KIAA1671: variants seen among roughly 807,000 people sequenced by gnomAD.
KIAA1671 encodes the protein uncharacterized protein KIAA1671.
In KIAA1671, 52 loss-of-function variants were observed where a neutral mutation model predicts 131.2. The observed-to-expected ratio is 0.40, with a 90% confidence interval of 0.32 to 0.50. The LOEUF is 0.50. Ranked by LOEUF, KIAA1671 falls within the 20% of genes least tolerant of loss-of-function variation. KIAA1671 has a pLI of 0.73. For missense variants in KIAA1671, 2,360 were observed against 2,364.2 expected, an observed-to-expected ratio of 1.00 and a Z score of 0.04; for synonymous variants, 1,003 against 961.6, an observed-to-expected ratio of 1.04 and a Z score of -0.80.
intron 1 of KIAA1671, among the ~76,000 whole-genome samples, chr22:25,005,862 G>A (rs945054791): frequency 6.6e-6 from 1 of 152,090 alleles, no homozygotes. Context: ...TCCTACCCAG[G>A]TGACTTCCTC....
intron 6 of KIAA1671, among the ~76,000 whole-genome samples, chr22:25,123,553 C>G (rs1932045406): frequency 6.6e-6 from 1 of 152,178 alleles, no homozygotes; most frequent in Admixed American, 6.5e-5. Context: ...TTGGAGCTTT[C>G]ACTCTGGGGA....
Position 25,181,761 on chromosome 22 carries a change from AC to A in KIAA1671, c.5141del (p.Pro1714LeufsTer19). 6.4e-7 allele frequency: 1 copy of A among 1,551,268 alleles called. No homozygotes were observed. Among genetic ancestry groups the A allele is most frequent in the Non-Finnish European group, 8.7e-7 (1 of 1,146,860 alleles). On this transcript the variant is annotated frameshift_variant, in exon 10 of 13. Transcript: ENST00000358431. LOFTEE classifies it high-confidence loss of function. The stretch of plus-strand genomic sequence containing the variant: ...GGAGACGGCATCCAAAGCTGAGAGG[AC>A]CCCTGTCAGCCATCCTCAGAGGATG... Reference protein sequence around the residue: ...EEETASKAERTPVSHPQRMPA... With the variant: ...EEETASKAERXPVSHPQRMPA...
At position 25,192,493 on chromosome 22, in the gene KIAA1671, C is replaced by T. The variant is rs1934699963; in HGVS notation, c.*92C>T. The T allele has an allele frequency of 1.3e-5, 2 of 152,244 alleles. No homozygotes were observed. Among genetic ancestry groups the T allele is most frequent in the African/African-American group, 4.8e-5 (2 of 41,448 alleles). 9.4% of individuals were successfully genotyped at this position (152,244 alleles called of 1,614,324 possible). ...CGAGCTGCTGCCGTTTCTTCCTGCA[C>T]AACGCTTACGTGCCTGGGCCCTTCC... On this transcript the variant is annotated 3_prime_UTR_variant, in exon 13 of 13. Coordinates refer to ENST00000358431, the MANE Select transcript of KIAA1671 (RefSeq NM_001145206.2).
intron 6 of KIAA1671, among the ~76,000 whole-genome samples, chr22:25,072,884 G>C (rs755226648): frequency 6.6e-6 from 1 of 152,150 alleles, no homozygotes; most frequent in African/African-American, 2.4e-5. Flanking sequence ...GAGCCAGGTG[G>C]AGGTGCTCGC....
At chr22:24,956,097 G>C (rs1028697444) in intron 1 of KIAA1671, among the ~76,000 whole-genome samples, 1 of 152,124 alleles carries the variant, frequency 6.6e-6, no homozygotes, top group African/African-American at 2.4e-5. Context: ...TGGACTGGAC[G>C]TAGAGACCAA....
chr22:25,043,218 T>G (rs1602093156), intron 5 of KIAA1671, among the ~76,000 whole-genome samples: 1 of 152,340 alleles, frequency 6.6e-6, no homozygotes, highest in East Asian at 1.9e-4. Context: ...TAAGCCACTT[T>G]GTTTTTAACA....
At chr22:25,122,818 CA>C (rs1932004969) in intron 6 of KIAA1671, among the ~76,000 whole-genome samples, 2 of 152,076 alleles carry the variant, frequency 1.3e-5, no homozygotes, top group African/African-American at 4.8e-5. Flanking sequence ...ACTAAAAACA[CA>C]AAAACATTAG....
chr22:25,039,707 C>A lies in KIAA1671; in HGVS notation c.2577C>A (p.Ser859Arg). Residue 859 changes from serine (S) to arginine (R), a missense_variant, in exon 5 of 13, where the codon AGC becomes AGA. This residue lies in a region of KIAA1671 where 14 missense variants were observed against 33.2 expected (regional missense o/e 0.42). Coordinates refer to ENST00000358431, the MANE Select transcript of KIAA1671 (RefSeq NM_001145206.2). ...CTATCAAGGCTGCCATCTGGGAAAG[C>A]CAGCATGAGGGGCCAGAGGGGGCCA... Reference protein sequence around the residue: ...VRAIKAAIWESQHEGPEGARS... With the variant: ...VRAIKAAIWERQHEGPEGARS... 1 of 1,511,196 alleles carries A rather than the reference C, an allele frequency of 6.6e-7. No individual in the cohort carries two copies. The highest frequency in any genetic ancestry group is 2.1e-5 in the Admixed American group (1 of 48,502). The allele number at this position is 1,511,196 out of a possible 1,614,324, so 93.6% of individuals were successfully genotyped here.
intron 1 of KIAA1671, among the ~76,000 whole-genome samples, chr22:25,019,494 A>G (rs1925541422): frequency 6.6e-6 from 1 of 152,140 alleles, no homozygotes; most frequent in East Asian, 1.9e-4. Context: ...GCTCAGAGGA[A>G]AACCTCTGGT....
chr22:24,982,920 C>T (rs1170503694), intron 1 of KIAA1671, among the ~76,000 whole-genome samples: 2 of 152,220 alleles, frequency 1.3e-5, no homozygotes, highest in Non-Finnish European at 2.9e-5. Flanking sequence ...CCTGCTTCAA[C>T]CTGCTGTGTG....
intron 6 of KIAA1671, among the ~76,000 whole-genome samples, chr22:25,116,937 A>G (rs1050571793): frequency 6.6e-6 from 1 of 152,226 alleles, no homozygotes; most frequent in Non-Finnish European, 1.5e-5. Context: ...ATTGCTGTAT[A>G]TTAGAGTTTC....
At chr22:25,119,812 G>A (rs753788843) in intron 6 of KIAA1671, among the ~76,000 whole-genome samples, 2 of 152,198 alleles carry the variant, frequency 1.3e-5, no homozygotes, top group Non-Finnish European at 2.9e-5. Flanking sequence ...GTTCGTGCCT[G>A]GTGTGTTTGA....
intron 6 of KIAA1671, among the ~76,000 whole-genome samples, chr22:25,115,405 G>C (rs147752469): frequency 1.1e-3 from 160 of 152,302 alleles, no homozygotes; most frequent in African/African-American, 3.7e-3. Context: ...CTCACCACGT[G>C]CAAACTGAGT....
Position 25,195,745 on chromosome 22 carries a change from A to G in KIAA1671, c.*3344A>G, listed in dbSNP as rs546597297. ...GATCTATGCTTTAAAATTTTTCTTT[A>G]TAATGCCCCCAGATGGCTCCTGGAA... On this transcript the variant is annotated 3_prime_UTR_variant, in exon 13 of 13. Transcript: ENST00000358431. 2 of 152,232 alleles carry G rather than the reference A, an allele frequency of 1.3e-5. No individual in the cohort carries two copies. Among genetic ancestry groups the G allele is most frequent in the South Asian group, 2.1e-4 (1 of 4,808 alleles). The allele number at this position is 152,232 out of a possible 1,614,324, so 9.4% of individuals were successfully genotyped here.
chr22:25,109,665 T>C (rs1007835070), intron 6 of KIAA1671, among the ~76,000 whole-genome samples: 18 of 152,216 alleles, frequency 1.2e-4, no homozygotes, highest in African/African-American at 4.3e-4. Context: ...TTGATTCCTG[T>C]GAATGCTTAG....
intron 1 of KIAA1671, chr22:25,011,408 C>G (rs1925025541): frequency 6.6e-6 from 1 of 152,140 alleles, no homozygotes; most frequent in Admixed American, 6.6e-5. Flanking sequence ...CTTGGCCTCC[C>G]AAAGTGCTGG....
rs1926043298 is a variant in KIAA1671 at position 25,028,005 on chromosome 22, C to T, written c.6C>T (p.Ala2=). 1 of 1,480,710 alleles carries T rather than the reference C, an allele frequency of 6.8e-7. No individual in the cohort carries two copies. The highest frequency in any genetic ancestry group is 2.5e-5 in the East Asian group (1 of 40,122). The allele number at this position is 1,480,710 out of a possible 1,614,324, so 91.7% of individuals were successfully genotyped here. ...ATGAATCCACAACCATAACCATGGC[C>T]ACGCGGGTCGAGGTGGGCTCCATAA... M[A]TRVEVGSITP... Residue 2 remains alanine, a synonymous_variant, in exon 3 of 13, where the codon GCC becomes GCT. Coordinates refer to ENST00000358431, the MANE Select transcript of KIAA1671 (RefSeq NM_001145206.2).
chr22:25,065,736 T>C (rs1928440388), intron 6 of KIAA1671, among the ~76,000 whole-genome samples: 1 of 151,660 alleles, frequency 6.6e-6, no homozygotes, highest in Non-Finnish European at 1.5e-5. Context: ...ACCTCCCGGA[T>C]TCAAGCGATT....
intron 1 of KIAA1671, among the ~76,000 whole-genome samples, chr22:24,956,683 G>A (rs1410273674): frequency 6.6e-6 from 1 of 152,096 alleles, no homozygotes; most frequent in Non-Finnish European, 1.5e-5. Context: ...TGGCTAACAC[G>A]GTGAAACCCC....
Sources: gnomAD v4.1 joint callset for allele counts (sites outside exome capture counted in the v4.1 genomes callset) on GRCh38, gnomAD v4.1.1 for gene constraint, gnomAD v4.1.1 regional missense constraint, MANE v1.5 for transcripts, NCBI Gene and HGNC (gene_info 2026-07-23, HGNC 2026-07-21) for gene names.